DLGAP2: variants seen among roughly 807,000 people sequenced by gnomAD.
DLGAP2 encodes the protein DLG associated protein 2.
DLGAP2 carries 26 observed loss-of-function variants against 100.3 expected under a neutral mutation model. The ratio of observed to expected loss-of-function variants is 0.26; its 90% CI spans 0.19 to 0.36. The LOEUF (loss-of-function observed/expected upper bound fraction) is 0.36. Among genes scored for constraint, DLGAP2 ranks in the 10% least tolerant of loss-of-function variants. The pLI is 1.00. For missense variants in DLGAP2, 1,858 were observed against 1,453.2 expected, an observed-to-expected ratio of 1.28 and a Z score of -4.53; for synonymous variants, 886 against 630.1, an observed-to-expected ratio of 1.41 and a Z score of -6.08.
At chr8:989,704 A>C (rs1800599460) in intron 2 of DLGAP2, among the ~76,000 whole-genome samples, 1 of 152,198 alleles carries the variant, frequency 6.6e-6, no homozygotes, top group South Asian at 2.1e-4. Flanking sequence ...TAAGAGTCTG[A>C]AACTGCAATT....
chr8:1,119,387 G>A (rs1436328759), intron 2 of DLGAP2, among the ~76,000 whole-genome samples: 1 of 152,238 alleles, frequency 6.6e-6, no homozygotes, highest in Non-Finnish European at 1.5e-5. Context: ...GGCTGACTGT[G>A]CATCTACTGC....
chr8:1,625,757 A>G (rs1353944749), intron 6 of DLGAP2, among the ~76,000 whole-genome samples: 1 of 152,222 alleles, frequency 6.6e-6, no homozygotes, highest in East Asian at 1.9e-4. Flanking sequence ...AATGACCCAA[A>G]TTTCACTACC....
chr8:1,067,432 T>G (rs1803289664), intron 2 of DLGAP2, among the ~76,000 whole-genome samples: 1 of 152,100 alleles, frequency 6.6e-6, no homozygotes, highest in South Asian at 2.1e-4. Context: ...TGAGTGTACT[T>G]GGGAGGTCAG....
At chr8:862,785 C>G (rs1797418077) in intron 1 of DLGAP2, among the ~76,000 whole-genome samples, 1 of 152,132 alleles carries the variant, frequency 6.6e-6, no homozygotes, top group African/African-American at 2.4e-5. Context: ...AAATGGCTTC[C>G]CCAGGGCCCC....
At chr8:928,404 G>T (rs566234535) in intron 2 of DLGAP2, among the ~76,000 whole-genome samples, 124 of 152,252 alleles carry the variant, frequency 8.1e-4, no homozygotes, top group African/African-American at 2.8e-3. Context: ...AGGTGTCCTG[G>T]ACGTGGATTT....
intron 3 of DLGAP2, among the ~76,000 whole-genome samples, chr8:1,373,412 T>G (rs1802300341): frequency 6.6e-6 from 1 of 152,144 alleles, no homozygotes; most frequent in South Asian, 2.1e-4. Context: ...GTCCCCGGGC[T>G]TCCTGCCCGA....
chr8:982,099 C>T (rs1402564842), intron 2 of DLGAP2, among the ~76,000 whole-genome samples: 1 of 152,240 alleles, frequency 6.6e-6, no homozygotes, highest in African/African-American at 2.4e-5. Context: ...TAGGAATGCT[C>T]TTCAGCCTCC....
intron 2 of DLGAP2, among the ~76,000 whole-genome samples, chr8:1,005,799 A>G (rs144807186): frequency 4.6e-5 from 7 of 152,220 alleles, no homozygotes; most frequent in African/African-American, 1.2e-4. Flanking sequence ...TTGTACTTGT[A>G]TTGAGTGTCC....
chr8:902,059 C>A (rs889316195), intron 1 of DLGAP2, among the ~76,000 whole-genome samples: 1 of 152,162 alleles, frequency 6.6e-6, no homozygotes, highest in Non-Finnish European at 1.5e-5. Context: ...AACCGAGGAA[C>A]CCTGGTGGGT....
intron 2 of DLGAP2, among the ~76,000 whole-genome samples, chr8:953,184 GTTTCTTTTT>G (rs1243499992): frequency 6.6e-6 from 1 of 152,058 alleles, no homozygotes; most frequent in Non-Finnish European, 1.5e-5. Flanking sequence ...AAATTTCTAT[GTTTCTTTTT>G]TTTCTTTTTT....
At chr8:1,640,246 G>C (rs185382988) in intron 8 of DLGAP2, among the ~76,000 whole-genome samples, 1 of 152,090 alleles carries the variant, frequency 6.6e-6, no homozygotes, top group Non-Finnish European at 1.5e-5. Context: ...TCGGGCTGAT[G>C]GACGCTGTGT....
At chr8:1,298,689 A>G (rs1217810352) in intron 3 of DLGAP2, among the ~76,000 whole-genome samples, 1 of 152,194 alleles carries the variant, frequency 6.6e-6, no homozygotes, top group Non-Finnish European at 1.5e-5. Flanking sequence ...CGAGGGCCCC[A>G]GGACAAGCAT....
chr8:1,196,446 A>C (rs887984184), intron 2 of DLGAP2, among the ~76,000 whole-genome samples: 2 of 152,208 alleles, frequency 1.3e-5, no homozygotes, highest in African/African-American at 2.4e-5. Context: ...TGAACGAGAC[A>C]GTGATCCTGT....
intron 2 of DLGAP2, among the ~76,000 whole-genome samples, chr8:1,138,858 C>T (rs957228679): frequency 2.0e-5 from 3 of 151,982 alleles, no homozygotes; most frequent in Non-Finnish European, 4.4e-5. Context: ...GTGGGAAACT[C>T]TTCCTGTTTA....
At chr8:1,526,783 T>C (rs1459745235) in intron 4 of DLGAP2, among the ~76,000 whole-genome samples, 2 of 152,178 alleles carry the variant, frequency 1.3e-5, no homozygotes, top group Non-Finnish European at 2.9e-5. Flanking sequence ...TCCCTGTTAT[T>C]GGAAACCCAG....
intron 2 of DLGAP2, among the ~76,000 whole-genome samples, chr8:1,256,400 G>T (rs569184543): frequency 7.2e-6 from 1 of 138,568 alleles, no homozygotes; most frequent in South Asian, 2.4e-4. Context: ...GGTGCTGTGT[G>T]TGTGCCGTCT....
intron 2 of DLGAP2, among the ~76,000 whole-genome samples, chr8:1,005,995 C>T (rs992246740): frequency 1.3e-5 from 2 of 152,068 alleles, no homozygotes; most frequent in Non-Finnish European, 2.9e-5. Context: ...TCAAGACCAT[C>T]CTGGCCAACA....
At chr8:1,588,294 G>C (rs1376531155) in intron 6 of DLGAP2, among the ~76,000 whole-genome samples, 1 of 152,094 alleles carries the variant, frequency 6.6e-6, no homozygotes, top group East Asian at 1.9e-4. Flanking sequence ...AGAATGTACT[G>C]AATGAAGAGA....
At chr8:1,542,099 T>C (rs1157924162) in intron 4 of DLGAP2, among the ~76,000 whole-genome samples, 1 of 152,248 alleles carries the variant, frequency 6.6e-6, no homozygotes, top group African/African-American at 2.4e-5. Context: ...TAAACATAAC[T>C]GCTTTCCTAA....
Sources: allele counts gnomAD v4.1 joint callset (sites outside exome capture counted in the v4.1 genomes callset), GRCh38; gene constraint gnomAD v4.1.1; transcripts MANE v1.5; gene names NCBI Gene and HGNC (gene_info 2026-07-23, HGNC 2026-07-21).